GLT6D1: variants seen among roughly 807,000 people sequenced by gnomAD.
GLT6D1 encodes glycosyltransferase 6 domain containing 1.
In GLT6D1, 9 loss-of-function variants were observed where a neutral mutation model predicts 12.3. The observed-to-expected ratio is 0.73, with a 90% CI of 0.44 to 1.27. GLT6D1 has a LOEUF of 1.27. Among genes scored for constraint, GLT6D1 ranks in the 50% most tolerant of loss-of-function variants. The pLI is 0.00. For missense variants in GLT6D1, 335 were observed against 346.2 expected (o/e 0.97, Z 0.26); for synonymous variants, 128 against 132.3 (o/e 0.97, Z 0.23).
At chr9:135,630,723 A>G (rs1018596000) in intron 3 of GLT6D1, among the ~76,000 whole-genome samples, 6 of 79,192 alleles carry the variant, frequency 7.6e-5, no homozygotes, top group Non-Finnish European at 1.5e-4. Flanking sequence ...CTGTCTCTAC[A>G]AAAAAAAAAA....
At chr9:135,638,308 C>A (rs896346045) in intron 2 of GLT6D1, among the ~76,000 whole-genome samples, 2 of 152,312 alleles carry the variant, frequency 1.3e-5, no homozygotes, top group South Asian at 2.1e-4. Flanking sequence ...CTGGGAGATA[C>A]AATTCAAGTT....
Position 135,639,130 on chromosome 9 carries a change from C to A in GLT6D1, c.58G>T (p.Glu20Ter). The A allele has an allele frequency of 1.3e-6, 2 of 1,569,424 alleles. No homozygotes were observed. The highest frequency in any genetic ancestry group is 2.2e-5 in the South Asian group (2 of 89,690). Residue 20 changes from glutamate (E) to a stop codon, truncating the protein, a stop_gained, in exon 2 of 5, where the codon GAG becomes TAG. Transcript: ENST00000371763. LOFTEE classifies it high-confidence loss of function. ...CTTTATATTTACCTGAAATAACGCT[C>A]AACCAACATCAGTGAAAAAGCAAAT... ...VLFAFSLMLV[E>*]RYFRNHQVEE...
chr9:135,624,599 A>T lies in GLT6D1; in HGVS notation c.329T>A (p.Ile110Asn). The change falls in exon 5 of 5, where the codon ATC (isoleucine) becomes AAC (asparagine). Residue 110 changes from isoleucine (I) to asparagine (N), a missense_variant. Ile to Asn is a moderately radical substitution (Grantham distance 149). Transcript: ENST00000371763. The part of the protein sequence containing the change: ...NKHFMTGYRV[I>N]FYIMVDAFFK... ...GAAGGCGTCCACCATGATGTAGAAG[A>T]TCACTCGGTAGCCTGTCATGAAGTG... The T allele has an allele frequency of 6.2e-7, 1 of 1,613,364 alleles. No homozygotes were observed.
At chr9:135,628,941 T>C (rs2119136280) in intron 3 of GLT6D1, among the ~76,000 whole-genome samples, 1 of 152,222 alleles carries the variant, frequency 6.6e-6, no homozygotes, top group East Asian at 1.9e-4. Context: ...ATTTCAGTTC[T>C]CCCTTTTTAG....
intron 3 of GLT6D1, among the ~76,000 whole-genome samples, chr9:135,626,903 G>GAT (rs1833533361): frequency 2.0e-5 from 3 of 152,126 alleles, no homozygotes; most frequent in African/African-American, 7.2e-5. Flanking sequence ...AGCTAGAGAA[G>GAT]ATCAATCACA....
At chr9:135,637,373 G>A (rs7855164) in intron 2 of GLT6D1, among the ~76,000 whole-genome samples, 71,404 of 149,690 alleles carry the variant, frequency 0.48, 17,469 homozygotes, top group East Asian at 0.76. Context: ...GGTTTGTGTG[G>A]ACATAAGTGT....
chr9:135,626,948 A>T, intron 3 of GLT6D1, among the ~76,000 whole-genome samples: 1 of 152,326 alleles, frequency 6.6e-6, no homozygotes, highest in Non-Finnish European at 1.5e-5. Flanking sequence ...ACAAAGTTCA[A>T]TGTCCATTCA....
In GLT6D1 at chr9:135,624,478, A is replaced by G. The variant is rs745769083; in HGVS notation, c.450T>C (p.His150=). ...ERWWLDGPLV[H]VKSLGEHIAS... ...CGATGTGTTCACCCAGGCTCTTCAC[A>G]TGCACCAGGGGGCCATCGAGCCACC... Residue 150 remains histidine, a synonymous_variant, in exon 5 of 5, where the codon CAT becomes CAC. Coordinates refer to ENST00000371763, the MANE Select transcript of GLT6D1 (RefSeq NM_182974.3). 2.5e-6 allele frequency: 4 copies of G among 1,612,762 alleles called. No homozygotes were observed. The African/African-American group carries it at 4.0e-5, about 16-fold the overall frequency.
Position 135,626,102 on chromosome 9 carries a change from A to G in GLT6D1, c.224T>C (p.Ile75Thr), listed in dbSNP as rs777739583. Reference sequence around the variant, plus strand: ...AGCAAAGACGGCCAGGCCCACAGTGATATTCCGCCTTCTGTAATGTTTTTC... The same window carrying G: ...AGCAAAGACGGCCAGGCCCACAGTGGTATTCCGCCTTCTGTAATGTTTTTC... ...VLEKHYRRRN[I>T]TVGLAVFATG... Residue 75 changes from isoleucine to threonine, a missense_variant, in exon 4 of 5, where the codon ATC (isoleucine) becomes ACC (threonine). By Grantham distance (89) the Ile-to-Thr change is moderately conservative. Coordinates refer to ENST00000371763, the MANE Select transcript of GLT6D1 (RefSeq NM_182974.3). 3 of 1,614,128 alleles carry G rather than the reference A, an allele frequency of 1.9e-6. No homozygotes were observed. Among genetic ancestry groups the G allele is most frequent in the Non-Finnish European group, 2.5e-6 (3 of 1,180,008 alleles).
chr9:135,632,352 C>A (rs1355112581), intron 2 of GLT6D1, among the ~76,000 whole-genome samples: 2 of 152,018 alleles, frequency 1.3e-5, no homozygotes, highest in Non-Finnish European at 2.9e-5. Context: ...AGGATAGTAA[C>A]CCTGGGATAT....
At chr9:135,625,166 T>G (rs1415746429) in intron 4 of GLT6D1, among the ~76,000 whole-genome samples, 1 of 152,068 alleles carries the variant, frequency 6.6e-6, no homozygotes, top group Non-Finnish European at 1.5e-5. Flanking sequence ...CAGCTTCAGC[T>G]GAGTTGGTGA....
In GLT6D1 at chr9:135,639,304, C is replaced by T. The variant is rs1833845200; in HGVS notation, c.-18G>A. On this transcript the variant is annotated 5_prime_UTR_variant, in exon 1 of 5. Coordinates refer to ENST00000371763, the MANE Select transcript of GLT6D1 (RefSeq NM_182974.3). The stretch of plus-strand genomic sequence containing the variant: ...CATTGGACACCAACCTTAGAGGTTG[C>T]TTCTAGAATGTTCAGCTGGCAGGAG... 2 of 587,506 alleles carry T rather than the reference C, an allele frequency of 3.4e-6. No homozygotes were observed. Among genetic ancestry groups the T allele is most frequent in the South Asian group, 4.6e-5 (2 of 43,906 alleles). 36.4% of individuals were successfully genotyped at this position (587,506 alleles called of 1,614,324 possible).
upstream of GLT6D1, among the ~76,000 whole-genome samples, chr9:135,639,890 C>T (rs189118425): frequency 1.7e-4 from 25 of 145,788 alleles, no homozygotes; most frequent in African/African-American, 5.9e-4. Context: ...GTCTGCCAGG[C>T]TGGAGTGCAG....
intron 2 of GLT6D1, 49 bp from the exon 3 acceptor site, chr9:135,631,527 T>C: frequency 1.4e-6 from 2 of 1,405,100 alleles, no homozygotes; most frequent in Non-Finnish European, 2.0e-6. Context: ...TGTTCAATGT[T>C]TATTGAGCCT....
At chr9:135,634,962 G>A (rs749443812) in intron 2 of GLT6D1, among the ~76,000 whole-genome samples, 14 of 152,176 alleles carry the variant, frequency 9.2e-5, no homozygotes, top group Non-Finnish European at 1.5e-4. Context: ...AGCGCTGCGC[G>A]CAACCCAAAC....
intron 2 of GLT6D1, among the ~76,000 whole-genome samples, chr9:135,633,082 G>T (rs1047772585): frequency 1.3e-5 from 2 of 152,086 alleles, no homozygotes; most frequent in Admixed American, 1.3e-4. Context: ...CTACACATAC[G>T]CAGACAGTGG....
At chr9:135,624,729 T>A in intron 4 of GLT6D1, 59 bp from the exon 5 acceptor site, 5 of 568,756 alleles carry the variant, frequency 8.8e-6, no homozygotes, top group Admixed American at 6.1e-5. Context: ...TCTTTCTTTT[T>A]TTTTTTTTTT....
chr9:135,638,090 G>T (rs1180738476), intron 2 of GLT6D1, among the ~76,000 whole-genome samples: 1 of 152,192 alleles, frequency 6.6e-6, no homozygotes, highest in African/African-American at 2.4e-5. Context: ...CCACATGGCT[G>T]GGGAGGCCTC....
rs1476276337 is a variant in GLT6D1 at position 135,624,310 on chromosome 9, G to A, written c.618C>T (p.Phe206=). ...AWWYFRNTKN[F]PYERRPTSAA... ...CTGAGGTCGGCCTCCTCTCATAAGG[G>A]AAGTTCTTGGTGTTTCTGAAATACC... The change falls in exon 5 of 5, where the codon TTC becomes TTT. Residue 206 remains phenylalanine (F), a synonymous_variant. Coordinates refer to ENST00000371763, the MANE Select transcript of GLT6D1 (RefSeq NM_182974.3). 5 of 1,609,136 alleles carry A rather than the reference G, an allele frequency of 3.1e-6. No homozygotes were observed. The African/African-American group carries it at 6.7e-5, about 22-fold the overall frequency.
Sources: gnomAD v4.1 joint callset for allele counts (sites outside exome capture counted in the v4.1 genomes callset) on GRCh38, gnomAD v4.1.1 for gene constraint, MANE v1.5 for transcripts, NCBI Gene and HGNC (gene_info 2026-07-23, HGNC 2026-07-21) for gene names.